Variants in SGCZ observed in about 807,000 individuals in gnomAD.
SGCZ encodes the protein zeta-sarcoglycan.
SGCZ carries 40 observed loss-of-function variants against 41.3 expected under a neutral mutation model. That is an observed-to-expected ratio of 0.97 (90% CI 0.75 to 1.26). The LOEUF (loss-of-function observed/expected upper bound fraction) is 1.26, where lower values mean the gene tolerates loss of function less well. Among genes scored for constraint, SGCZ ranks in the 50% most tolerant of loss-of-function variants. The pLI, the probability that SGCZ is intolerant of heterozygous loss-of-function variation, is 0.00. For synonymous variants in SGCZ, 206 were observed against 137.5 expected (o/e 1.50, Z -3.49); for missense variants, 552 against 369.8 (o/e 1.49, Z -4.04).
intron 3 of SGCZ, among the ~76,000 whole-genome samples, chr8:14,242,535 T>C (rs1798927533): frequency 6.6e-6 from 1 of 152,194 alleles, no homozygotes; most frequent in Non-Finnish European, 1.5e-5. Flanking sequence ...GCACATAATT[T>C]ATGTGCTTGT....
At chr8:14,571,230 G>T (rs1272117463) in intron 1 of SGCZ, among the ~76,000 whole-genome samples, 3 of 152,176 alleles carry the variant, frequency 2.0e-5, no homozygotes, top group Admixed American at 2.0e-4. Flanking sequence ...CATGATTACA[G>T]CATGGGGCAA....
chr8:15,198,219 A>C (rs1800791386), intron 1 of SGCZ, among the ~76,000 whole-genome samples: 1 of 151,778 alleles, frequency 6.6e-6, no homozygotes, highest in East Asian at 1.9e-4. Context: ...AGTGTAGCTA[A>C]AAATCTTCAC....
At chr8:14,581,878 G>T (rs1439498856) in intron 1 of SGCZ, among the ~76,000 whole-genome samples, 2 of 152,084 alleles carry the variant, frequency 1.3e-5, no homozygotes, top group African/African-American at 4.8e-5. Context: ...AACAACAGGG[G>T]TTTCAATTTC....
intron 1 of SGCZ, among the ~76,000 whole-genome samples, chr8:14,668,782 T>C (rs1285341801): frequency 1.3e-5 from 2 of 152,202 alleles, no homozygotes; most frequent in Non-Finnish European, 1.5e-5. Context: ...TATTGCATTA[T>C]GTCTTTATTT....
intron 2 of SGCZ, among the ~76,000 whole-genome samples, chr8:14,480,232 C>T (rs1439161994): frequency 1.3e-5 from 2 of 152,188 alleles, no homozygotes; most frequent in African/African-American, 4.8e-5. Flanking sequence ...ATAAAGTACA[C>T]AATGCCAAGT....
At chr8:15,130,617 T>G (rs1201082235) in intron 1 of SGCZ, among the ~76,000 whole-genome samples, 2 of 152,218 alleles carry the variant, frequency 1.3e-5, no homozygotes, top group African/African-American at 4.8e-5. Flanking sequence ...CACTCGTTTA[T>G]TTACTTCAGT....
intron 2 of SGCZ, among the ~76,000 whole-genome samples, chr8:14,354,229 G>A (rs1311304111): frequency 2.0e-5 from 3 of 151,836 alleles, no homozygotes; most frequent in Non-Finnish European, 4.4e-5. Context: ...GCCTAATAAA[G>A]AAAACATTTA....
rs192470442 is a variant in SGCZ at position 14,976,074 on chromosome 8, G to C, written c.39+261511C>G. 3.0e-3 allele frequency among the ~76,000 whole-genome samples: 450 copies of C among 149,358 alleles called. 3 individuals are homozygous for C. Among genetic ancestry groups the C allele is most frequent in the African/African-American group, 1.0e-2 (406 of 40,604 alleles). On this transcript the variant is annotated intron_variant, in intron 1 of 7. Transcript: ENST00000382080. ...GCCTCAATCTGTCGCTCAAGCTGTA[G>C]TGCAGTGGCACGATCTTCACTCACT...
chr8:14,458,862 C>G (rs1297669336), intron 2 of SGCZ, among the ~76,000 whole-genome samples: 2 of 152,042 alleles, frequency 1.3e-5, no homozygotes, highest in African/African-American at 4.8e-5. Context: ...CAAACAACAC[C>G]ATTAAACTAG....
chr8:14,307,796 G>C (rs1801395295), intron 3 of SGCZ, among the ~76,000 whole-genome samples: 1 of 151,764 alleles, frequency 6.6e-6, no homozygotes, highest in Non-Finnish European at 1.5e-5. Flanking sequence ...TGAAAGCAAG[G>C]GCAAGAAAAA....
At chr8:14,288,502 T>C (rs945865450) in intron 3 of SGCZ, among the ~76,000 whole-genome samples, 3 of 152,140 alleles carry the variant, frequency 2.0e-5, no homozygotes, top group Non-Finnish European at 4.4e-5. Flanking sequence ...TTGACTATAA[T>C]GGATATTTCA....
chr8:14,861,078 A>G (rs1477438890), intron 1 of SGCZ, among the ~76,000 whole-genome samples: 1 of 152,172 alleles, frequency 6.6e-6, no homozygotes, highest in Non-Finnish European at 1.5e-5. Flanking sequence ...GAGTTGAGAA[A>G]CACTTGATGT....
intron 2 of SGCZ, among the ~76,000 whole-genome samples, chr8:14,536,628 T>C (rs1585058116): frequency 6.6e-6 from 1 of 151,918 alleles, no homozygotes; most frequent in Non-Finnish European, 1.5e-5. Flanking sequence ...TGATTTTTTT[T>C]CCCTTGGGTA....
rs966406193 is a variant in SGCZ at position 15,157,603 on chromosome 8, G to A, written c.39+79982C>T. On this transcript the variant is annotated intron_variant, in intron 1 of 7. Coordinates refer to ENST00000382080, the MANE Select transcript of SGCZ (RefSeq NM_139167.4). ...CAGGAGGCTACCACACCAGACTAAT[G>A]TCCTGGTTCTACTAGGCTTACAGCT... 2.0e-5 allele frequency among the ~76,000 whole-genome samples: 3 copies of A among 152,176 alleles called. No individual in the cohort carries two copies. The South Asian group carries it at 6.2e-4, about 32-fold the overall frequency.
chr8:14,305,004 T>C (rs191738305), intron 3 of SGCZ, among the ~76,000 whole-genome samples: 4 of 152,308 alleles, frequency 2.6e-5, no homozygotes, highest in East Asian at 3.9e-4. Flanking sequence ...TGAAAATCTT[T>C]AATATTAATT....
intron 5 of SGCZ, among the ~76,000 whole-genome samples, chr8:14,121,422 A>G (rs776290249): frequency 6.6e-6 from 1 of 152,172 alleles, no homozygotes; most frequent in Non-Finnish European, 1.5e-5. Context: ...CAATATTTGC[A>G]CTGAAATAGA....
chr8:14,564,890 A>G (rs1225316234), intron 1 of SGCZ, among the ~76,000 whole-genome samples: 47 of 152,178 alleles, frequency 3.1e-4, no homozygotes, highest in Admixed American at 3.1e-3. Context: ...CTTAATGCTC[A>G]AAGGGACATT....
At chr8:14,922,394 T>G (rs956149353) in intron 1 of SGCZ, among the ~76,000 whole-genome samples, 11 of 152,168 alleles carry the variant, frequency 7.2e-5, no homozygotes, top group African/African-American at 2.7e-4. Context: ...TAAATAAATA[T>G]TGAGAAAACA....
chr8:14,615,020 A>C (rs1366579657), intron 1 of SGCZ, among the ~76,000 whole-genome samples: 1 of 152,106 alleles, frequency 6.6e-6, no homozygotes, highest in Admixed American at 6.6e-5. Context: ...GTGTATATAT[A>C]TATATGAAAG....
Sources: allele counts gnomAD v4.1 joint callset (sites outside exome capture counted in the v4.1 genomes callset), GRCh38; gene constraint gnomAD v4.1.1; transcripts MANE v1.5; gene names NCBI Gene and HGNC (gene_info 2026-07-23, HGNC 2026-07-21).